TMOD1: variants seen among roughly 807,000 people sequenced by gnomAD.
TMOD1 encodes the protein tropomodulin-1.
TMOD1 carries 17 observed loss-of-function variants against 40.6 expected under a neutral mutation model. The ratio of observed to expected loss-of-function variants is 0.42; its 90% confidence interval spans 0.29 to 0.63. The LOEUF is 0.63. Among genes scored for constraint, TMOD1 ranks in the 20% least tolerant of loss-of-function variants. The probability of loss-of-function intolerance (pLI) is 0.22; values close to 1 mark genes in which losing one functional copy is unlikely to be tolerated. For synonymous variants in TMOD1, 181 were observed against 175.0 expected, an observed-to-expected ratio of 1.03 and a Z score of -0.27; for missense variants, 391 against 447.6, an observed-to-expected ratio of 0.87 and a Z score of 1.14.
At chr9:97,568,754 ACAGT>A in intron 7 of TMOD1, 136 bp from the exon 8 acceptor site, 2 of 965,884 alleles carry the variant, frequency 2.1e-6, no homozygotes, top group Non-Finnish European at 3.1e-6. Flanking sequence ...GAGGAGAGAC[ACAGT>A]CAGAGTTGTG....
intron 1 of TMOD1, among the ~76,000 whole-genome samples, chr9:97,517,049 G>T (rs1046330599): frequency 1.3e-5 from 2 of 152,140 alleles, no homozygotes; most frequent in Non-Finnish European, 2.9e-5. Flanking sequence ...GTGGGCCTGT[G>T]GGGGTGGGGA....
chr9:97,501,546 GA>G (rs1469663810), upstream of TMOD1: 4 of 150,664 alleles, frequency 2.7e-5, no homozygotes, highest in Admixed American at 6.6e-5. Context: ...CCCCCGAGTG[GA>G]GGGGGGGGGA....
chr9:97,528,518 C>G (rs1165652711), intron 2 of TMOD1, among the ~76,000 whole-genome samples: 1 of 152,176 alleles, frequency 6.6e-6, no homozygotes, highest in Non-Finnish European at 1.5e-5. Flanking sequence ...TTGATCCCTT[C>G]ATTAAGATCA....
chr9:97,586,235 C>T (rs930038976), intron 8 of TMOD1, among the ~76,000 whole-genome samples: 2 of 152,170 alleles, frequency 1.3e-5, no homozygotes, highest in Admixed American at 6.5e-5. Flanking sequence ...AGAGGACCCT[C>T]AGCTGCAGGT....
intron 1 of TMOD1, among the ~76,000 whole-genome samples, chr9:97,506,485 C>T (rs1284575277): frequency 6.6e-6 from 1 of 152,162 alleles, no homozygotes; most frequent in Non-Finnish European, 1.5e-5. Context: ...CACACAACAC[C>T]AACCAGCATT....
chr9:97,574,708 G>T (rs1830893394), intron 8 of TMOD1, among the ~76,000 whole-genome samples: 1 of 152,266 alleles, frequency 6.6e-6, no homozygotes, highest in Non-Finnish European at 1.5e-5. Flanking sequence ...TCAGCACTCT[G>T]TATCTAGCTC....
chr9:97,598,473 G>A (rs190655013), intron 9 of TMOD1, among the ~76,000 whole-genome samples: 3 of 152,280 alleles, frequency 2.0e-5, no homozygotes, highest in Non-Finnish European at 4.4e-5. Flanking sequence ...GAGGGGCTCC[G>A]ATGAGGCAAT....
intron 4 of TMOD1, among the ~76,000 whole-genome samples, chr9:97,558,400 G>T (rs1363213343): frequency 6.6e-6 from 1 of 151,988 alleles, no homozygotes; most frequent in Non-Finnish European, 1.5e-5. Flanking sequence ...AAAAGTTGGG[G>T]GTGGGGGGTC....
In TMOD1 at chr9:97,593,656, A is replaced by G. The variant is rs182230014; in HGVS notation, c.1015+2221A>G. Among the ~76,000 whole-genome samples the G allele has an allele frequency of 2.4e-3, 364 of 152,260 alleles. 6 individuals carry two copies. The highest frequency in any genetic ancestry group is 5.1e-4 in the Non-Finnish European group (35 of 68,034). On this transcript the variant is annotated intron_variant, in intron 9 of 9. Coordinates refer to ENST00000259365, the MANE Select transcript of TMOD1 (RefSeq NM_003275.4). The stretch of plus-strand genomic sequence containing the variant: ...CAAAGGCATGCCTAAAAATTCAAGA[A>G]TGCCTACAAATTCTATCTAAACAAA...
chr9:97,542,165 A>C (rs1830284140), intron 2 of TMOD1, among the ~76,000 whole-genome samples: 1 of 152,238 alleles, frequency 6.6e-6, no homozygotes, highest in Non-Finnish European at 1.5e-5. Flanking sequence ...ATGGGAGATC[A>C]CATGCTGTTT....
intron 8 of TMOD1, among the ~76,000 whole-genome samples, chr9:97,590,518 G>A (rs529664341): frequency 3.3e-5 from 5 of 152,010 alleles, no homozygotes; most frequent in Non-Finnish European, 4.4e-5. Context: ...GAGCCACCAC[G>A]CCTGGCCTCT....
At position 97,502,274 on chromosome 9, in the gene TMOD1, G is replaced by C. The variant is rs1456545028; in HGVS notation, c.-49+471G>C. On this transcript the variant is annotated intron_variant, in intron 1 of 9. Transcript: ENST00000259365. This position sits in a 1 kb window ranked among gnomAD's most constrained non-coding sequence, Gnocchi z 6.1. ...CCTCTTCTCCGCCTGCAAGAGTCTG[G>C]GGGTGGGAGTGGGGGAGTAAAGGCT... Among the ~76,000 whole-genome samples the C allele has an allele frequency of 1.3e-5, 2 of 152,198 alleles. No individual in the cohort carries two copies. Among genetic ancestry groups the C allele is most frequent in the Non-Finnish European group, 2.9e-5 (2 of 68,030 alleles).
In TMOD1 at chr9:97,601,075, G is replaced by C. The variant is rs750950348; in HGVS notation, c.*1377G>C. On this transcript the variant is annotated 3_prime_UTR_variant, in exon 10 of 10. Transcript: ENST00000259365. ...GGCAGTGGGCAGTACAGGGTAACTG[G>C]AGGCGGGGCCAGGGCCTCAGCGCTA... 3.9e-5 allele frequency: 51 copies of C among 1,304,292 alleles called. 1 individual carries two copies. The South Asian group carries it at 6.3e-4, about 16-fold the overall frequency. The allele number at this position is 1,304,292 out of a possible 1,614,324, so 80.8% of individuals were successfully genotyped here.
chr9:97,581,459 G>T (rs1313291585), intron 8 of TMOD1, among the ~76,000 whole-genome samples: 1 of 152,050 alleles, frequency 6.6e-6, no homozygotes, highest in African/African-American at 2.4e-5. Context: ...AAACATACGT[G>T]TGCAGGTGTC....
At chr9:97,541,775 C>G (rs1830279557) in intron 2 of TMOD1, among the ~76,000 whole-genome samples, 1 of 152,150 alleles carries the variant, frequency 6.6e-6, no homozygotes. Flanking sequence ...CTTGGCCTCC[C>G]AAAGTGCTGG....
chr9:97,529,624 G>A lies in TMOD1; in HGVS notation c.120+5316G>A, dbSNP rs548685415. ...GAGATTGTTGCACTTGGACTCCCTCGGGAAAGGAATGCTTCATGTGCTAAA... is the reference window on the plus strand; with the variant it reads ...GAGATTGTTGCACTTGGACTCCCTCAGGAAAGGAATGCTTCATGTGCTAAA... On this transcript the variant is annotated intron_variant, in intron 2 of 9. Transcript: ENST00000259365. Among the ~76,000 whole-genome samples, 114 of 152,098 alleles carry A rather than the reference G, an allele frequency of 7.5e-4. 1 individual carries two copies. The highest frequency in any genetic ancestry group is 2.5e-3 in the African/African-American group (105 of 41,502).
intron 4 of TMOD1, chr9:97,555,719 G>T (rs1258852254): frequency 3.5e-5 from 53 of 1,530,570 alleles, no homozygotes; most frequent in Non-Finnish European, 4.4e-5. Flanking sequence ...TATGTGAGTT[G>T]CTCTCAAGAC....
intron 9 of TMOD1, among the ~76,000 whole-genome samples, chr9:97,598,619 C>A (rs180876834): frequency 6.6e-6 from 1 of 152,174 alleles, no homozygotes; most frequent in Non-Finnish European, 1.5e-5. Flanking sequence ...TCACATCTAC[C>A]CCCAAGAAGT....
Position 97,601,101 on chromosome 9 carries a change from TG to T in TMOD1, c.*1405del, listed in dbSNP as rs1387312215. ...AGGCGGGGCCAGGGCCTCAGCGCTA[TG>T]GAAGAGTGTCCACTGAGGCTGCACA... On this transcript the variant is annotated 3_prime_UTR_variant, in exon 10 of 10. Coordinates refer to ENST00000259365, the MANE Select transcript of TMOD1 (RefSeq NM_003275.4). The T allele has an allele frequency of 7.7e-7, 1 of 1,304,300 alleles. No individual in the cohort carries two copies. Among genetic ancestry groups the T allele is most frequent in the Non-Finnish European group, 1.0e-6 (1 of 988,938 alleles). 80.8% of individuals were successfully genotyped at this position (1,304,300 alleles called of 1,614,324 possible). A position where few individuals can be genotyped will look rare whatever the true frequency, so the allele number is the denominator to read the frequency against.
Sources: gnomAD v4.1 joint callset for allele counts (sites outside exome capture counted in the v4.1 genomes callset) on GRCh38, gnomAD v4.1.1 for gene constraint, Gnocchi (gnomAD v3.1) non-coding constraint, MANE v1.5 for transcripts, NCBI Gene and HGNC (gene_info 2026-07-23, HGNC 2026-07-21) for gene names.